Variants in PI4KA observed in about 807,000 individuals in gnomAD.
PI4KA encodes phosphatidylinositol 4-kinase alpha, also known as PI4-kinase alpha.
PI4KA carries 122 observed loss-of-function variants against 271.4 expected under a neutral mutation model. That is an observed-to-expected ratio of 0.45 (90% CI 0.39 to 0.52). PI4KA has a LOEUF of 0.52. Among genes scored for constraint, PI4KA ranks in the 20% least tolerant of loss-of-function variants. PI4KA has a pLI of 0.00. For missense variants in PI4KA, 1,969 were observed against 2,769.1 expected (o/e 0.71, Z 6.48); for synonymous variants, 1,041 against 1,078.8 (o/e 0.96, Z 0.69).
chr22:20,799,375 C>T (rs1052183358), intron 15 of PI4KA, 99 bp from the exon 16 acceptor site: 2 of 1,135,498 alleles, frequency 1.8e-6, no homozygotes, highest in South Asian at 3.3e-5. Flanking sequence ...AATTTCATAA[C>T]AGTCTTGATG....
At chr22:20,794,841 T>C (rs1164341390) in intron 18 of PI4KA, among the ~76,000 whole-genome samples, 1 of 152,130 alleles carries the variant, frequency 6.6e-6, no homozygotes, top group East Asian at 1.9e-4. Flanking sequence ...TTCTTGCAAA[T>C]ACAATTTTAT....
intron 8 of PI4KA, 76 bp from the exon 9 acceptor site, chr22:20,811,108 C>T: frequency 9.5e-7 from 1 of 1,053,286 alleles, no homozygotes. Flanking sequence ...TACCGAAAAC[C>T]CATGACAAAC....
At chr22:20,726,891 G>T (rs1927416305) in intron 41 of PI4KA, among the ~76,000 whole-genome samples, 1 of 151,982 alleles carries the variant, frequency 6.6e-6, no homozygotes, top group African/African-American at 2.4e-5. Flanking sequence ...AGGAGTGAGG[G>T]ACCCTCCACG....
At chr22:20,779,983 T>A in intron 19 of PI4KA, 1 of 1,614,208 alleles carries the variant, frequency 6.2e-7, no homozygotes. Context: ...GTCAATGACC[T>A]TTATATCCAG....
intron 19 of PI4KA, among the ~76,000 whole-genome samples, chr22:20,780,976 G>A (rs1011816508): frequency 6.6e-6 from 1 of 152,044 alleles, no homozygotes; most frequent in African/African-American, 2.4e-5. Context: ...CAGGAATATA[G>A]ACAAAAGGCT....
intron 1 of PI4KA, among the ~76,000 whole-genome samples, chr22:20,850,969 A>C (rs165857): frequency 0.15 from 22,930 of 151,968 alleles, 1,873 homozygotes; most frequent in Middle Eastern, 0.27. Context: ...CCCTCAAACC[A>C]AGGAATTCAA....
At chr22:20,759,268 T>A (rs1931684338) in intron 23 of PI4KA, among the ~76,000 whole-genome samples, 1 of 152,186 alleles carries the variant, frequency 6.6e-6, no homozygotes, top group East Asian at 1.9e-4. Flanking sequence ...GGTCTTAAAC[T>A]CCTGGCCTCA....
At chr22:20,835,603 G>A (rs1336907108) in intron 2 of PI4KA, among the ~76,000 whole-genome samples, 1 of 152,138 alleles carries the variant, frequency 6.6e-6, no homozygotes, top group African/African-American at 2.4e-5. Context: ...GCAGTGGGAC[G>A]TGCCTGTAGT....
chr22:20,734,979 C>T (rs1023375304), intron 32 of PI4KA, among the ~76,000 whole-genome samples: 1 of 152,194 alleles, frequency 6.6e-6, no homozygotes, highest in African/African-American at 2.4e-5. Context: ...CTCCTCCTCT[C>T]CACCCCACAC....
chr22:20,813,279 C>G, intron 8 of PI4KA, 79 bp downstream of exon 8: 1 of 1,124,820 alleles, frequency 8.9e-7, no homozygotes, highest in Non-Finnish European at 1.3e-6. Flanking sequence ...CTGAGTTTTT[C>G]TTTTAAAAAT....
chr22:20,729,463 G>A lies in PI4KA; in HGVS notation c.4532C>T (p.Ser1511Leu), dbSNP rs373527421. Residue 1511 changes from serine (S) to leucine (L), a missense_variant, in exon 39 of 55, where the codon TCA becomes TTA. Ser to Leu is a moderately radical substitution (Grantham distance 145). Transcript: ENST00000255882. ...CTGGTCTAGTTCCAGTTCCGGGGCTGACAGCGGGTTGTACCATGTGATGAG... is the reference window on the plus strand; with the variant it reads ...CTGGTCTAGTTCCAGTTCCGGGGCTAACAGCGGGTTGTACCATGTGATGAG... ...ERLITWYNPLSAPELELDQAG... is the reference protein window; with the variant it reads ...ERLITWYNPLLAPELELDQAG... 5.0e-6 allele frequency: 8 copies of A among 1,609,410 alleles called. No individual in the cohort carries two copies. Among genetic ancestry groups the A allele is most frequent in the Non-Finnish European group, 6.8e-6 (8 of 1,177,696 alleles).
chr22:20,810,741 T>C (rs956489071), intron 9 of PI4KA, among the ~76,000 whole-genome samples: 2 of 152,108 alleles, frequency 1.3e-5, no homozygotes, highest in African/African-American at 4.8e-5. Context: ...CTGTCTGTAA[T>C]GCCACCAGTC....
intron 19 of PI4KA, among the ~76,000 whole-genome samples, chr22:20,773,203 T>C (rs986075973): frequency 6.6e-6 from 1 of 151,902 alleles, no homozygotes; most frequent in African/African-American, 2.4e-5. Flanking sequence ...CTGGCCAACA[T>C]AGTGAAACCC....
intron 18 of PI4KA, 99 bp downstream of exon 18, chr22:20,796,047 G>A: frequency 9.2e-7 from 1 of 1,091,984 alleles, no homozygotes. Context: ...CATTCACAAA[G>A]AAAGTGCCAT....
chr22:20,812,086 A>AC (rs1921122067), intron 8 of PI4KA, among the ~76,000 whole-genome samples: 1 of 151,924 alleles, frequency 6.6e-6, no homozygotes, highest in African/African-American at 2.4e-5. Context: ...AAAAAATAAT[A>AC]CCCCAAGAAA....
Position 20,848,237 on chromosome 22 carries a change from C to CAAGAAAAAAAAAAAAAAAAAAAAAAAA in PI4KA, c.157-9507_157-9506insTTTTTTTTTTTTTTTTTTTTTTTTCTT, listed in dbSNP as rs1569099398. Among the ~76,000 whole-genome samples the CAAGAAAAAAAAAAAAAAAAAAAAAAAA allele has an allele frequency of 7.8e-5, 4 of 51,226 alleles. 1 individual carries two copies. The allele number at this position is 51,226 out of a possible 152,430, so 33.6% of individuals were successfully genotyped here. A position where few individuals can be genotyped will look rare whatever the true frequency, so the allele number is the denominator to read the frequency against. ...TGGGTGACAGAGCGAGACTCCATCT[C>CAAGAAAAAAAAAAAAAAAAAAAAAAAA]AAAAAAAAAAAAAAAAAAAAAAAGG... On this transcript the variant is annotated intron_variant, in intron 1 of 54. Coordinates refer to ENST00000255882, the MANE Select transcript of PI4KA (RefSeq NM_058004.4).
chr22:20,756,993 G>A (rs965559104), intron 23 of PI4KA, among the ~76,000 whole-genome samples: 17 of 152,286 alleles, frequency 1.1e-4, no homozygotes, highest in African/African-American at 3.9e-4. Flanking sequence ...GTTTAGCTCT[G>A]GATTACTGGT....
chr22:20,842,291 A>G (rs948662664), intron 1 of PI4KA, among the ~76,000 whole-genome samples: 4 of 152,156 alleles, frequency 2.6e-5, no homozygotes, highest in Non-Finnish European at 4.4e-5. Flanking sequence ...AGAGTCTCTA[A>G]AAAGATACAC....
At chr22:20,811,140 G>A (rs1210163468) in intron 8 of PI4KA, 108 bp from the exon 9 acceptor site, 1 of 799,470 alleles carries the variant, frequency 1.3e-6, no homozygotes, top group Non-Finnish European at 2.2e-6. Flanking sequence ...AAAATGTGAT[G>A]CAGATAAAGG....
Sources: gnomAD v4.1 joint callset for allele counts (sites outside exome capture counted in the v4.1 genomes callset) on GRCh38, gnomAD v4.1.1 for gene constraint, MANE v1.5 for transcripts, NCBI Gene and HGNC (gene_info 2026-07-23, HGNC 2026-07-21) for gene names.